SZT2: variants seen among roughly 807,000 people sequenced by gnomAD.
SZT2 encodes KICSTOR complex protein SZT2.
Under a neutral mutation model 404.2 loss-of-function variants are expected in SZT2, and 216 were observed. The ratio of observed to expected loss-of-function variants is 0.53; its 90% CI spans 0.48 to 0.60. SZT2 has a LOEUF of 0.60. Ranked by LOEUF, SZT2 falls within the 20% of genes least tolerant of loss-of-function variation. The pLI is 0.00. For missense variants in SZT2, 3,857 were observed against 4,459.2 expected (o/e 0.86, Z 3.85); for synonymous variants, 1,693 against 1,749.9 (o/e 0.97, Z 0.81).
At position 43,432,599 on chromosome 1, in the gene SZT2, A is replaced by T. The variant is rs1192281108; in HGVS notation, c.5525A>T (p.Gln1842Leu). The change falls in exon 38 of 72, where the codon CAG (glutamine) becomes CTG (leucine). Residue 1842 changes from glutamine (Q) to leucine (L), a missense_variant. This residue lies in a region of SZT2 where 1,725 missense variants were observed against 1,881.0 expected (regional missense o/e 0.92). Transcript: ENST00000634258. ...VPLISLPRVP[Q>L]GGSQPGPSRG... ...CTCATCAGCCTGCCCCGCGTGCCACAGGGAGGTAAGAGAGGACTTGGGCAG... is the reference window on the plus strand; with the variant it reads ...CTCATCAGCCTGCCCCGCGTGCCACTGGGAGGTAAGAGAGGACTTGGGCAG... 6.2e-7 allele frequency: 1 copy of T among 1,613,858 alleles called. No homozygotes were observed.
intron 5 of SZT2, among the ~76,000 whole-genome samples, chr1:43,415,527 CAG>C (rs1395642263): frequency 2.0e-5 from 3 of 152,144 alleles, no homozygotes; most frequent in African/African-American, 7.2e-5. Flanking sequence ...TTTGTACAAT[CAG>C]GGATAAAGCT....
intron 40 of SZT2, 71 bp from the exon 41 acceptor site, chr1:43,434,315 A>G: frequency 1.5e-6 from 2 of 1,327,044 alleles, no homozygotes; most frequent in Admixed American, 2.1e-5. Context: ...CAGTTATGTC[A>G]TATACATATC....
At position 43,424,307 on chromosome 1, in the gene SZT2, C is replaced by G; in HGVS notation, c.2346C>G (p.Ala782=). Residue 782 remains alanine (A), a synonymous_variant, in exon 16 of 72, where the codon GCC becomes GCG. Transcript: ENST00000634258. This position sits in a 1 kb window ranked among gnomAD's most constrained non-coding sequence, Gnocchi z 4.1. ...GPLPLVSGRS[A]SSSLASLSRY... ...TGCCCTTGGTGTCAGGCCGCTCAGC[C>G]TCTTCTAGCCTGGCGTCACTGTCCC... The G allele has an allele frequency of 6.3e-7, 1 of 1,598,064 alleles. No individual in the cohort carries two copies. Among genetic ancestry groups the G allele is most frequent in the East Asian group, 2.2e-5 (1 of 44,884 alleles).
intron 40 of SZT2, 84 bp from the exon 41 acceptor site, chr1:43,434,300 AAC>A: frequency 8.6e-7 from 1 of 1,164,178 alleles, no homozygotes; most frequent in Middle Eastern, 2.1e-4. Flanking sequence ...TGATACGTAT[AAC>A]TGCAGTTATG....
In SZT2 at chr1:43,431,810, A is replaced by G. The variant is rs751797305; in HGVS notation, c.5183A>G (p.His1728Arg). ...PALHRAAAHIHSSPGRSTCLR... is the reference protein window; with the variant it reads ...PALHRAAAHIRSSPGRSTCLR... ...CTGCACCGCGCAGCTGCCCATATCC[A>G]TAGTTCTCCTGGACGCTCCACCTGC... The change falls in exon 36 of 72, where the codon CAT (histidine) becomes CGT (arginine). Residue 1728 changes from histidine to arginine, a missense_variant. Physicochemically the swap from His to Arg is conservative, Grantham distance 29. Around this residue, in one of 7 missense-constraint regions of SZT2, gnomAD observed 1,725 missense variants for 1,881.0 expected, o/e 0.92. Coordinates refer to ENST00000634258, the MANE Select transcript of SZT2 (RefSeq NM_001365999.1). The G allele has an allele frequency of 2.2e-5, 36 of 1,614,106 alleles. No individual in the cohort carries two copies. Among genetic ancestry groups the G allele is most frequent in the Middle Eastern group, 3.3e-4 (2 of 6,084 alleles).
rs1244723246 is a variant in SZT2, at chr1:43,437,378, G to C, written c.6188-28G>C. The C allele has an allele frequency of 1.2e-6, 2 of 1,614,116 alleles. No individual in the cohort carries two copies. Among genetic ancestry groups the C allele is most frequent in the Non-Finnish European group, 1.7e-6 (2 of 1,179,982 alleles). ...GCATTGGAAGGATCTGGAAAAGGCA[G>C]TTTCCTGAGCCCATGTTATTCCCCC... On this transcript the variant is annotated intron_variant, in intron 43 of 71. Coordinates refer to ENST00000634258, the MANE Select transcript of SZT2 (RefSeq NM_001365999.1). This position sits in a 1 kb window ranked among gnomAD's most constrained non-coding sequence, Gnocchi z 5.3.
rs1652934014 is a variant in SZT2 at position 43,424,733 on chromosome 1, T to C, written c.2472-51T>C. The stretch of plus-strand genomic sequence containing the variant: ...ATGTGGGGAGAGCTTGTAGTCTCAG[T>C]GTCTCTTCTTCCCTTATCCTGGCCT... On this transcript the variant is annotated intron_variant, in intron 16 of 71. Coordinates refer to ENST00000634258, the MANE Select transcript of SZT2 (RefSeq NM_001365999.1). This position sits in a 1 kb window ranked among gnomAD's most constrained non-coding sequence, Gnocchi z 4.1. 15 of 1,494,036 alleles carry C rather than the reference T, an allele frequency of 1.0e-5. No individual in the cohort carries two copies. The highest frequency in any genetic ancestry group is 1.2e-5 in the Non-Finnish European group (13 of 1,073,030). The allele number at this position is 1,494,036 out of a possible 1,614,324, so 92.5% of individuals were successfully genotyped here.
At chr1:43,396,089 C>T (rs1236192550) in intron 1 of SZT2, among the ~76,000 whole-genome samples, 3 of 152,296 alleles carry the variant, frequency 2.0e-5, no homozygotes, top group Middle Eastern at 3.4e-3. Context: ...ATGGAGGTTT[C>T]CTGAGCAAGT....
At chr1:43,417,461 G>GC (rs1025661513) in intron 7 of SZT2, among the ~76,000 whole-genome samples, 5 of 152,180 alleles carry the variant, frequency 3.3e-5, no homozygotes, top group Non-Finnish European at 7.3e-5. Context: ...GATGATGAAT[G>GC]CAAGTTTGTG....
Position 43,426,221 on chromosome 1 carries a change from C to CA in SZT2, c.3043+73dup. On this transcript the variant is annotated intron_variant, in intron 21 of 71. Coordinates refer to ENST00000634258, the MANE Select transcript of SZT2 (RefSeq NM_001365999.1). The surrounding 1 kb of genome is among the most constrained non-coding windows in gnomAD (Gnocchi z 4.9). ...CAAGCCTGGAAGTATTAGAAAATAA[C>CA]AAACAGATGGGTCAGCAAGTGAGCA... 2 of 1,553,052 alleles carry CA rather than the reference C, an allele frequency of 1.3e-6. No homozygotes were observed. The highest frequency in any genetic ancestry group is 1.8e-6 in the Non-Finnish European group (2 of 1,140,720).
Position 43,453,356 on chromosome 1 carries a change from CAG to C in SZT2, c.*2877_*2878del, listed in dbSNP as rs372269751. On this transcript the variant is annotated 3_prime_UTR_variant, in exon 72 of 72. Transcript: ENST00000634258. Reference sequence around the variant, plus strand: ...GAACCTGCATCAGGGTCATGGGTCACAGGGGTGGGGGTGGGGTGGAGCGGGGT... The same window carrying C: ...GAACCTGCATCAGGGTCATGGGTCACGGGTGGGGGTGGGGTGGAGCGGGGT... The C allele has an allele frequency of 2.2e-4, 255 of 1,157,296 alleles. No homozygotes were observed. In the East Asian group the frequency reaches 3.6e-3, roughly 16 times the overall value. 71.7% of individuals were successfully genotyped at this position (1,157,296 alleles called of 1,614,324 possible).
chr1:43,452,229 C>T lies in SZT2; in HGVS notation c.*1749C>T. On this transcript the variant is annotated 3_prime_UTR_variant, in exon 72 of 72. Coordinates refer to ENST00000634258, the MANE Select transcript of SZT2 (RefSeq NM_001365999.1). Reference sequence around the variant, plus strand: ...CCTGAGCCAAAACCCCAGCTGCATGCCTCAGGTTCTCCAGAAAAACGGCCT... The same window carrying T: ...CCTGAGCCAAAACCCCAGCTGCATGTCTCAGGTTCTCCAGAAAAACGGCCT... 6.2e-7 allele frequency: 1 copy of T among 1,613,716 alleles called. No homozygotes were observed.
In SZT2 at chr1:43,430,602, C is replaced by T; in HGVS notation, c.4587C>T (p.Ala1529=). The part of the protein sequence containing the change: ...SDLGPAGLDS[A]SLSDVDTVNP... ...TGGGGCCTGCTGGGCTAGACTCTGC[C>T]TCGCTGTCAGACGTAGACACTGTGA... The change falls in exon 32 of 72, where the codon GCC becomes GCT. Residue 1529 remains alanine (A), a synonymous_variant. Transcript: ENST00000634258. The T allele has an allele frequency of 1.9e-6, 3 of 1,614,200 alleles. No individual in the cohort carries two copies. The highest frequency in any genetic ancestry group is 2.5e-6 in the Non-Finnish European group (3 of 1,180,032).
rs1162017434 is a variant in SZT2 at position 43,430,513 on chromosome 1, T to C, written c.4498T>C (p.Cys1500Arg). Residue 1500 changes from cysteine (C) to arginine (R), a missense_variant, in exon 32 of 72, where the codon TGT (cysteine) becomes CGT (arginine). By Grantham distance (180) the Cys-to-Arg change is radical. This residue lies in a region of SZT2 where 1,725 missense variants were observed against 1,881.0 expected (regional missense o/e 0.92). Transcript: ENST00000634258. Reference sequence around the variant, plus strand: ...ACTACTAGGAGACACATCTGCCTGCTGTGTGGTCACTGAGAGTGACCCAGA... The same window carrying C: ...ACTACTAGGAGACACATCTGCCTGCCGTGTGGTCACTGAGAGTGACCCAGA... The part of the protein sequence containing the change: ...MGEEGDTSAC[C>R]VVTESDPELE... The C allele has an allele frequency of 3.1e-6, 5 of 1,614,200 alleles. No homozygotes were observed. Among genetic ancestry groups the C allele is most frequent in the Non-Finnish European group, 4.2e-6 (5 of 1,180,014 alleles).
rs752321194 is a variant in SZT2 at position 43,448,000 on chromosome 1, C to A, written c.9563+29C>A. ...AGCAGATCCCCTACCTTGAACATGC[C>A]CATTTCCCAGCCTGCCCCACCCTGC... On this transcript the variant is annotated intron_variant, in intron 68 of 71. Transcript: ENST00000634258. 3.1e-6 allele frequency: 5 copies of A among 1,613,280 alleles called. No individual in the cohort carries two copies. In the East Asian group the frequency reaches 8.9e-5, roughly 29 times the overall value.
At position 43,424,242 on chromosome 1, in the gene SZT2, C is replaced by T. The variant is rs377583230; in HGVS notation, c.2281C>T (p.Arg761Trp). The change falls in exon 16 of 72, where the codon CGG (arginine) becomes TGG (tryptophan). Residue 761 changes from arginine (R) to tryptophan (W), a missense_variant. By Grantham distance (101) the Arg-to-Trp change is moderately radical. Around this residue, in one of 7 missense-constraint regions of SZT2, gnomAD observed 1,725 missense variants for 1,881.0 expected, o/e 0.92. Coordinates refer to ENST00000634258, the MANE Select transcript of SZT2 (RefSeq NM_001365999.1). The surrounding 1 kb of genome is among the most constrained non-coding windows in gnomAD (Gnocchi z 4.1). Reference sequence around the variant, plus strand: ...GTATGAGAAGCTGCCCTTGGACTACCGGGCACCCTTCTTGCTGACATTGGA... The same window carrying T: ...GTATGAGAAGCTGCCCTTGGACTACTGGGCACCCTTCTTGCTGACATTGGA... ...IRYEKLPLDYRAPFLLTLEPP... is the reference protein window; with the variant it reads ...IRYEKLPLDYWAPFLLTLEPP... The T allele has an allele frequency of 1.1e-5, 17 of 1,597,638 alleles. No individual in the cohort carries two copies. Among genetic ancestry groups the T allele is most frequent in the East Asian group, 2.2e-5 (1 of 44,886 alleles).
intron 3 of SZT2, 63 bp from the exon 4 acceptor site, chr1:43,404,317 T>G: frequency 2.1e-6 from 3 of 1,447,580 alleles, no homozygotes; most frequent in Non-Finnish European, 2.8e-6. Context: ...GGAAGCTGCA[T>G]GTTTCTGCCC....
intron 4 of SZT2, chr1:43,406,208 C>T: frequency 3.6e-6 from 1 of 276,680 alleles, no homozygotes; most frequent in Non-Finnish European, 7.1e-6. Context: ...CTGCCTCAGC[C>T]TTTCAAGTAG....
intron 1 of SZT2, among the ~76,000 whole-genome samples, chr1:43,395,985 A>T (rs1648946588): frequency 6.6e-6 from 1 of 152,242 alleles, no homozygotes; most frequent in Non-Finnish European, 1.5e-5. Flanking sequence ...TCCAAGTGAC[A>T]GGACTAATTG....
Sources: allele counts gnomAD v4.1 joint callset (sites outside exome capture counted in the v4.1 genomes callset), GRCh38; gene constraint gnomAD v4.1.1; regional missense constraint gnomAD v4.1.1; non-coding constraint Gnocchi (gnomAD v3.1); transcripts MANE v1.5; gene names NCBI Gene and HGNC (gene_info 2026-07-23, HGNC 2026-07-21).